The following CADM2 variants were observed in gnomAD, a reference collection of about 807,000 sequenced individuals.
CADM2 encodes immunoglobulin superfamily member 4D.
A neutral mutation model predicts 49.8 loss-of-function variants in CADM2; 12 were observed. The observed-to-expected ratio is 0.24, with a 90% CI of 0.15 to 0.39. The LOEUF (loss-of-function observed/expected upper bound fraction) is 0.39. CADM2 is among the 10% of genes least tolerant of loss of function. CADM2 has a pLI of 1.00. For synonymous variants in CADM2, 214 were observed against 175.4 expected, an observed-to-expected ratio of 1.22 and a Z score of -1.74; for missense variants, 378 against 492.3, an observed-to-expected ratio of 0.77 and a Z score of 2.20.
At chr3:85,936,295 A>G (rs1721183306) in intron 7 of CADM2, among the ~76,000 whole-genome samples, 1 of 151,872 alleles carries the variant, frequency 6.6e-6, no homozygotes, top group South Asian at 2.1e-4. Flanking sequence ...ATTTCTTATG[A>G]AACACCCAAT....
intron 1 of CADM2, among the ~76,000 whole-genome samples, chr3:84,993,260 T>C (rs2032992211): frequency 6.6e-6 from 1 of 152,104 alleles, no homozygotes; most frequent in African/African-American, 2.4e-5. Flanking sequence ...GATAGGAGTG[T>C]GCATAGCTAC....
chr3:85,878,684 A>T (rs1337639829), intron 3 of CADM2, among the ~76,000 whole-genome samples: 1 of 152,104 alleles, frequency 6.6e-6, no homozygotes, highest in South Asian at 2.1e-4. Context: ...TTTGATTTCA[A>T]ATCAGTACCT....
intron 1 of CADM2, among the ~76,000 whole-genome samples, chr3:85,359,666 A>ATATATATATAT: frequency 3.8e-5 from 1 of 26,552 alleles, no homozygotes; most frequent in Non-Finnish European, 8.1e-5. Context: ...ATATATATAT[A>ATATATATATAT]TTTTTTTTTT....
chr3:85,367,892 A>G (rs73845447), intron 1 of CADM2, among the ~76,000 whole-genome samples: 2,202 of 151,854 alleles, frequency 0.015, 58 homozygotes, highest in African/African-American at 0.05. Context: ...ACAGCTGAGA[A>G]TCAGGAATCT....
chr3:85,905,234 T>C (rs925232762), intron 5 of CADM2, among the ~76,000 whole-genome samples: 1 of 152,078 alleles, frequency 6.6e-6, no homozygotes, highest in African/African-American at 2.4e-5. Flanking sequence ...ATAGCAAAGA[T>C]AGAATTGAAA....
Position 85,847,953 on chromosome 3 carries a change from A to T in CADM2, c.239-35338A>T, listed in dbSNP as rs1339735319. On this transcript the variant is annotated intron_variant, in intron 3 of 9. Transcript: ENST00000383699. ...GATGTCTTATGTTACTTAATTTATT[A>T]GTTATTTGATAAAAATAAATCATAT... 2.0e-5 allele frequency among the ~76,000 whole-genome samples: 3 copies of T among 152,150 alleles called. No homozygotes were observed. In the East Asian group the frequency reaches 5.8e-4, roughly 29 times the overall value.
chr3:85,836,666 T>A (rs73845689), intron 3 of CADM2, among the ~76,000 whole-genome samples: 7,655 of 151,476 alleles, frequency 0.051, 545 homozygotes, highest in African/African-American at 0.16. Flanking sequence ...TGAATTGGGG[T>A]AATTTATGTT....
chr3:85,994,771 C>A (rs1729167176), intron 8 of CADM2: 1 of 152,102 alleles, frequency 6.6e-6, no homozygotes, highest in Non-Finnish European at 1.5e-5. Flanking sequence ...TCAGAACAGA[C>A]ACGTTTATCA....
At chr3:85,336,955 A>AATATATATATATTAAATATATATTTAAT (rs376069816) in intron 1 of CADM2, among the ~76,000 whole-genome samples, 1 of 89,888 alleles carries the variant, frequency 1.1e-5, no homozygotes, top group East Asian at 2.4e-4. Context: ...ATATATATTT[A>AATATATATATATTAAATATATATTTAAT]ATATATATAT....
intron 1 of CADM2, among the ~76,000 whole-genome samples, chr3:85,384,672 T>A (rs1024333740): frequency 4.7e-5 from 5 of 107,318 alleles, no homozygotes; most frequent in Non-Finnish European, 7.5e-5. Context: ...TCAAAAAAAA[T>A]GTGTGTGTGT....
At chr3:85,359,942 A>G (rs1362732978) in intron 1 of CADM2, among the ~76,000 whole-genome samples, 1 of 151,258 alleles carries the variant, frequency 6.6e-6, no homozygotes, top group Non-Finnish European at 1.5e-5. Flanking sequence ...CATACAATTA[A>G]CTCTCCATTA....
chr3:85,553,449 T>G (rs1028239125), intron 1 of CADM2, among the ~76,000 whole-genome samples: 7 of 152,250 alleles, frequency 4.6e-5, no homozygotes, highest in African/African-American at 1.7e-4. Context: ...TTTGAGCCAT[T>G]GTACTACACT....
At chr3:85,258,429 A>G (rs2042938375) in intron 1 of CADM2, among the ~76,000 whole-genome samples, 1 of 151,908 alleles carries the variant, frequency 6.6e-6, no homozygotes, top group African/African-American at 2.4e-5. Context: ...AAAAGAGTCC[A>G]GTTCACACCT....
chr3:85,069,025 T>C (rs2036627635), intron 1 of CADM2, among the ~76,000 whole-genome samples: 2 of 152,132 alleles, frequency 1.3e-5, no homozygotes, highest in African/African-American at 4.8e-5. Context: ...ATGTGTATTC[T>C]ATTTTTATGT....
intron 1 of CADM2, among the ~76,000 whole-genome samples, chr3:85,512,940 C>A (rs1001367674): frequency 6.6e-6 from 1 of 151,968 alleles, no homozygotes; most frequent in African/African-American, 2.4e-5. Context: ...AAATCAAATT[C>A]TATTTTAACA....
rs193259868 is a variant in CADM2 at position 85,162,529 on chromosome 3, A to G, written c.61+202861A>G. 5.4e-3 allele frequency among the ~76,000 whole-genome samples: 824 copies of G among 152,232 alleles called. 7 individuals are homozygous for G. Among genetic ancestry groups the G allele is most frequent in the African/African-American group, 0.019 (789 of 41,562 alleles). On this transcript the variant is annotated intron_variant, in intron 1 of 9. Transcript: ENST00000383699. ...CAAAAATACCATTTTTCAAGTTTCAAAAGTTTAATGGAAGTCAGCTGAAAG... is the reference window on the plus strand; with the variant it reads ...CAAAAATACCATTTTTCAAGTTTCAGAAGTTTAATGGAAGTCAGCTGAAAG...
chr3:85,759,308 A>T (rs928641048), intron 2 of CADM2, among the ~76,000 whole-genome samples: 1 of 152,136 alleles, frequency 6.6e-6, no homozygotes, highest in Non-Finnish European at 1.5e-5. Context: ...AATTTCAAGC[A>T]TAGAATGAAA....
rs560650584 is a variant in CADM2, at chr3:85,899,962, C to A, written c.530-12411C>A. On this transcript the variant is annotated intron_variant, in intron 5 of 9. Coordinates refer to ENST00000383699, the MANE Select transcript of CADM2 (RefSeq NM_001167675.2). ...TTGTCCATCTCTCTTCTTCTCGGTA[C>A]TCTGCTCTGCAAACTGATTTTGCCT... Among the ~76,000 whole-genome samples the A allele has an allele frequency of 5.3e-5, 8 of 152,252 alleles. No individual in the cohort carries two copies. The South Asian group carries it at 1.7e-3, about 32-fold the overall frequency.
intron 1 of CADM2, among the ~76,000 whole-genome samples, chr3:85,356,052 G>T (rs2031828581): frequency 6.6e-6 from 1 of 151,992 alleles, no homozygotes; most frequent in African/African-American, 2.4e-5. Flanking sequence ...ATACTACTGG[G>T]ACATGGTTTA....
Sources: gnomAD v4.1 joint callset for allele counts (sites outside exome capture counted in the v4.1 genomes callset) on GRCh38, gnomAD v4.1.1 for gene constraint, MANE v1.5 for transcripts, NCBI Gene and HGNC (gene_info 2026-07-23, HGNC 2026-07-21) for gene names.